PSD3: variants seen among roughly 807,000 people sequenced by gnomAD.
PSD3 encodes pleckstrin and Sec7 domain containing 3.
PSD3 carries 49 observed loss-of-function variants against 105.5 expected under a neutral mutation model. The ratio of observed to expected loss-of-function variants is 0.46; its 90% CI spans 0.37 to 0.59. The LOEUF (loss-of-function observed/expected upper bound fraction) is 0.59, where lower values mean the gene tolerates loss of function less well. Among genes scored for constraint, PSD3 ranks in the 20% least tolerant of loss-of-function variants. PSD3 has a pLI of 0.00. For missense variants in PSD3, 1,561 were observed against 1,263.8 expected, an observed-to-expected ratio of 1.24 and a Z score of -3.57; for synonymous variants, 557 against 457.8, an observed-to-expected ratio of 1.22 and a Z score of -2.77.
At chr8:18,659,456 G>A (rs1221820337) in intron 9 of PSD3, among the ~76,000 whole-genome samples, 1 of 152,144 alleles carries the variant, frequency 6.6e-6, no homozygotes, top group Admixed American at 6.5e-5. Flanking sequence ...GAAATCCCAT[G>A]TTAATTAACT....
chr8:18,991,655 A>C (rs1586590995), intron 1 of PSD3, among the ~76,000 whole-genome samples: 1 of 152,344 alleles, frequency 6.6e-6, no homozygotes, highest in Admixed American at 6.5e-5. Flanking sequence ...GTGTTAATTA[A>C]GTTAGAGGTG....
At chr8:18,766,862 T>C (rs1807044096) in intron 8 of PSD3, among the ~76,000 whole-genome samples, 2 of 152,218 alleles carry the variant, frequency 1.3e-5, no homozygotes, top group South Asian at 2.1e-4. Context: ...TGTTGCATTA[T>C]AGGAGAGAAA....
At chr8:19,065,231 G>A (rs745621766) in intron 1 of PSD3, among the ~76,000 whole-genome samples, 2 of 152,050 alleles carry the variant, frequency 1.3e-5, no homozygotes, top group Non-Finnish European at 2.9e-5. Context: ...GTTTTTTTCT[G>A]CTCTTACCAT....
At chr8:18,739,313 A>G (rs1457750765) in intron 9 of PSD3, among the ~76,000 whole-genome samples, 1 of 152,176 alleles carries the variant, frequency 6.6e-6, no homozygotes, top group Non-Finnish European at 1.5e-5. Context: ...TTAAGGGAAA[A>G]AATAGGTGTT....
At chr8:18,858,850 C>CCGTT (rs1384258278) in intron 4 of PSD3, among the ~76,000 whole-genome samples, 1 of 152,182 alleles carries the variant, frequency 6.6e-6, no homozygotes, top group Non-Finnish European at 1.5e-5. Flanking sequence ...AAGTTTCAAA[C>CCGTT]CACTCAGCCA....
chr8:19,031,858 A>G (rs970642146), intron 1 of PSD3, among the ~76,000 whole-genome samples: 13 of 152,200 alleles, frequency 8.5e-5, no homozygotes, highest in African/African-American at 3.1e-4. Flanking sequence ...ATCTAACTCA[A>G]TCTCAGTTTA....
intron 1 of PSD3, among the ~76,000 whole-genome samples, chr8:19,047,102 C>T (rs1828347275): frequency 6.6e-6 from 1 of 152,226 alleles, no homozygotes; most frequent in Non-Finnish European, 1.5e-5. Flanking sequence ...TCCTCTGCTA[C>T]ACAGGGACAT....
chr8:18,986,184 T>C (rs1183550734), intron 1 of PSD3, among the ~76,000 whole-genome samples: 1 of 152,130 alleles, frequency 6.6e-6, no homozygotes, highest in African/African-American at 2.4e-5. Flanking sequence ...ATAACTGAAA[T>C]TGGATTAACA....
intron 11 of PSD3, among the ~76,000 whole-genome samples, chr8:18,615,348 G>T (rs573413048): frequency 6.6e-6 from 1 of 152,018 alleles, no homozygotes; most frequent in Non-Finnish European, 1.5e-5. Flanking sequence ...TAGCCTGTGC[G>T]GTCTAACCCT....
chr8:18,619,134 C>T (rs1288542411), intron 11 of PSD3, among the ~76,000 whole-genome samples: 1 of 151,980 alleles, frequency 6.6e-6, no homozygotes, highest in Non-Finnish European at 1.5e-5. Context: ...AATAAAAAAT[C>T]CTAAGCCCTC....
rs879117540 is a variant in PSD3 at position 18,740,304 on chromosome 8, T to C, written c.2172+25145A>G. On this transcript the variant is annotated intron_variant, in intron 9 of 15. Coordinates refer to ENST00000327040, the MANE Select transcript of PSD3 (RefSeq NM_015310.4). Reference sequence around the variant, plus strand: ...TTATGAGCACTAAATTTTGGCAACCTACTCTCTCTCTCCTCGGAATCTGAC... The same window carrying C: ...TTATGAGCACTAAATTTTGGCAACCCACTCTCTCTCTCCTCGGAATCTGAC... Among the ~76,000 whole-genome samples the C allele has an allele frequency of 2.0e-5, 3 of 152,158 alleles. 1 individual carries two copies. The South Asian group carries it at 6.2e-4, about 32-fold the overall frequency.
Position 18,546,296 on chromosome 8 carries a change from C to G in PSD3, c.2928+9913G>C, listed in dbSNP as rs2634420. On this transcript the variant is annotated intron_variant, in intron 15 of 15. Coordinates refer to ENST00000327040, the MANE Select transcript of PSD3 (RefSeq NM_015310.4). ...ACAGGCGTGAGCCACCGTGCCCAGC[C>G]TTGAAGTAATTTTAAACTTTCTGAA... Among the ~76,000 whole-genome samples the G allele has an allele frequency of 5.1e-3, 781 of 152,288 alleles. 12 individuals are homozygous for G. Among genetic ancestry groups the G allele is most frequent in the African/African-American group, 0.018 (728 of 41,558 alleles).
intron 4 of PSD3, among the ~76,000 whole-genome samples, chr8:18,819,140 C>A (rs536823286): frequency 2.2e-4 from 34 of 152,162 alleles, no homozygotes; most frequent in Non-Finnish European, 4.4e-4. Context: ...GACTCCAAAT[C>A]CAACACTTTT....
rs565291689 is a variant in PSD3, at chr8:18,961,000, C to T, written c.22-24858G>A. ...ACTCAGGAGGCTGAGGTGGGAGGAT[C>T]TACATGAACCCAGGGAGGTCGATGC... On this transcript the variant is annotated intron_variant, in intron 1 of 15. Transcript: ENST00000327040. Among the ~76,000 whole-genome samples, 12 of 152,106 alleles carry T rather than the reference C, an allele frequency of 7.9e-5. No homozygotes were observed. In the East Asian group the frequency reaches 2.3e-3, roughly 30 times the overall value.
intron 1 of PSD3, among the ~76,000 whole-genome samples, chr8:19,010,496 A>C (rs1274456530): frequency 6.6e-6 from 1 of 152,224 alleles, no homozygotes; most frequent in Non-Finnish European, 1.5e-5. Flanking sequence ...ACATTTGGTA[A>C]TTTGGATTTA....
intron 9 of PSD3, among the ~76,000 whole-genome samples, chr8:18,718,226 C>A (rs1298752058): frequency 6.6e-6 from 1 of 152,254 alleles, no homozygotes; most frequent in Non-Finnish European, 1.5e-5. Flanking sequence ...TCTACCCTCA[C>A]AATCTTTTAT....
chr8:18,869,648 G>T (rs1817194956), intron 3 of PSD3, among the ~76,000 whole-genome samples: 1 of 152,150 alleles, frequency 6.6e-6, no homozygotes, highest in Admixed American at 6.5e-5. Flanking sequence ...CCCCTTCTCT[G>T]GCTGGCAAAC....
chr8:18,998,710 T>C (rs1170201078), intron 1 of PSD3, among the ~76,000 whole-genome samples: 3 of 151,716 alleles, frequency 2.0e-5, no homozygotes, highest in Non-Finnish European at 4.4e-5. Flanking sequence ...AACAAAAAAA[T>C]GGGTCCCAAA....
At chr8:18,587,350 T>A (rs1007772703) in intron 12 of PSD3, among the ~76,000 whole-genome samples, 1 of 152,188 alleles carries the variant, frequency 6.6e-6, no homozygotes, top group Non-Finnish European at 1.5e-5. Flanking sequence ...AGTTCTTTCG[T>A]AAATGGGACA....
Sources: allele counts gnomAD v4.1 joint callset (sites outside exome capture counted in the v4.1 genomes callset), GRCh38; gene constraint gnomAD v4.1.1; transcripts MANE v1.5; gene names NCBI Gene and HGNC (gene_info 2026-07-23, HGNC 2026-07-21).